RBFOX1: variants seen among roughly 807,000 people sequenced by gnomAD.
RBFOX1 encodes RNA binding fox-1 homolog 1.
In RBFOX1, 8 loss-of-function variants were observed where a neutral mutation model predicts 57.7. That is an observed-to-expected ratio of 0.14 (90% CI 0.08 to 0.25). The LOEUF is 0.25. Ranked by LOEUF, RBFOX1 falls within the 10% of genes least tolerant of loss-of-function variation. RBFOX1 has a pLI of 1.00. For missense variants in RBFOX1, 611 were observed against 548.5 expected (o/e 1.11, Z -1.14); for synonymous variants, 326 against 222.4 (o/e 1.47, Z -4.15).
intron 1 of RBFOX1, among the ~76,000 whole-genome samples, chr16:5,437,997 A>G (rs757125162): frequency 3.3e-5 from 5 of 152,230 alleles, no homozygotes; most frequent in African/African-American, 9.6e-5. Flanking sequence ...TGTGTTGTCA[A>G]GGGGACACCT....
chr16:6,298,114 A>G (rs1343543158), intron 1 of RBFOX1, among the ~76,000 whole-genome samples: 2 of 152,200 alleles, frequency 1.3e-5, no homozygotes, highest in African/African-American at 2.4e-5. Flanking sequence ...AAAAGAGCAC[A>G]CTGTAACACA....
chr16:6,738,461 C>T (rs149887090), intron 3 of RBFOX1, among the ~76,000 whole-genome samples: 6 of 151,942 alleles, frequency 3.9e-5, no homozygotes, highest in Admixed American at 1.3e-4. Context: ...GTGTATGTAT[C>T]GAATAAAAGA....
intron 3 of RBFOX1, among the ~76,000 whole-genome samples, chr16:5,829,550 A>T (rs866277558): frequency 2.0e-5 from 3 of 151,864 alleles, no homozygotes; most frequent in Non-Finnish European, 4.4e-5. Flanking sequence ...GCATATGAGG[A>T]TTCTGGTGGC....
chr16:7,458,324 G>T (rs149953923), intron 4 of RBFOX1, among the ~76,000 whole-genome samples: 66 of 152,160 alleles, frequency 4.3e-4, no homozygotes, highest in Non-Finnish European at 8.2e-4. Context: ...TAAGTCTGCC[G>T]TGTCCCTGGG....
intron 4 of RBFOX1, among the ~76,000 whole-genome samples, chr16:7,061,822 G>T (rs1406798523): frequency 6.6e-6 from 1 of 152,200 alleles, no homozygotes; most frequent in African/African-American, 2.4e-5. Context: ...TTCCTGCTCT[G>T]TTCCTTTGAG....
intron 1 of RBFOX1, among the ~76,000 whole-genome samples, chr16:6,117,179 T>C (rs188366514): frequency 6.6e-6 from 1 of 152,196 alleles, no homozygotes; most frequent in African/African-American, 2.4e-5. Flanking sequence ...GGATTCCCTG[T>C]GAAAAGGGTG....
intron 4 of RBFOX1, among the ~76,000 whole-genome samples, chr16:7,182,980 G>C (rs1395303575): frequency 6.6e-6 from 1 of 152,128 alleles, no homozygotes; most frequent in African/African-American, 2.4e-5. Flanking sequence ...TGGAATCTAA[G>C]CTTCCTGAGA....
intron 2 of RBFOX1, among the ~76,000 whole-genome samples, chr16:6,334,150 A>G (rs1442998081): frequency 1.3e-5 from 2 of 152,188 alleles, no homozygotes; most frequent in East Asian, 3.9e-4. Flanking sequence ...GATGCCGGCT[A>G]GTGGTACTTG....
chr16:6,522,503 A>G (rs1472496487), intron 2 of RBFOX1, among the ~76,000 whole-genome samples: 1 of 152,184 alleles, frequency 6.6e-6, no homozygotes, highest in Non-Finnish European at 1.5e-5. Flanking sequence ...AAAGATGGCA[A>G]AATATGCTTT....
intron 11 of RBFOX1, among the ~76,000 whole-genome samples, chr16:7,642,023 G>A (rs1482766560): frequency 1.3e-5 from 2 of 152,212 alleles, no homozygotes; most frequent in Non-Finnish European, 2.9e-5. Context: ...GCTGAGGTGG[G>A]AGGATGACTT....
intron 3 of RBFOX1, among the ~76,000 whole-genome samples, chr16:7,051,751 G>A (rs1006839968): frequency 6.6e-6 from 1 of 152,086 alleles, no homozygotes; most frequent in African/African-American, 2.4e-5. Context: ...GGAAAAGGGT[G>A]GGGAGTTTCA....
intron 1 of RBFOX1, among the ~76,000 whole-genome samples, chr16:5,449,016 G>A (rs2068339246): frequency 6.6e-6 from 1 of 152,116 alleles, no homozygotes; most frequent in African/African-American, 2.4e-5. Context: ...CCAGGTCACA[G>A]AGGTATTGAG....
intron 6 of RBFOX1, among the ~76,000 whole-genome samples, chr16:7,581,232 C>T (rs1316445536): frequency 1.3e-5 from 2 of 152,148 alleles, no homozygotes; most frequent in African/African-American, 2.4e-5. Flanking sequence ...TTGGTAATAA[C>T]CTTGAGTTGA....
intron 4 of RBFOX1, among the ~76,000 whole-genome samples, chr16:7,222,570 G>C (rs1031392923): frequency 2.6e-4 from 39 of 152,160 alleles, no homozygotes; most frequent in Admixed American, 1.0e-3. Flanking sequence ...TATGTGTCTG[G>C]GCACTGGCTG....
At chr16:7,013,119 C>T (rs182865998) in intron 3 of RBFOX1, among the ~76,000 whole-genome samples, 1 of 152,270 alleles carries the variant, frequency 6.6e-6, no homozygotes, top group East Asian at 1.9e-4. Flanking sequence ...CTCCAAATGT[C>T]TTTAGACTGA....
intron 3 of RBFOX1, among the ~76,000 whole-genome samples, chr16:7,046,482 T>C (rs12922522): frequency 0.44 from 66,181 of 152,022 alleles, 17,656 homozygotes; most frequent in South Asian, 0.62. Flanking sequence ...CATTAAAATA[T>C]CAAGTTCAAT....
At chr16:6,306,116 G>A (rs910000864) in intron 1 of RBFOX1, among the ~76,000 whole-genome samples, 1 of 152,220 alleles carries the variant, frequency 6.6e-6, no homozygotes, top group African/African-American at 2.4e-5. Context: ...AACCCTCCAT[G>A]TCTGAGTCCT....
intron 1 of RBFOX1, among the ~76,000 whole-genome samples, chr16:5,303,791 A>G (rs757392078): frequency 2.6e-5 from 4 of 152,036 alleles, no homozygotes; most frequent in Non-Finnish European, 5.9e-5. Context: ...AATTCCAATA[A>G]AGCAAAAATG....
intron 2 of RBFOX1, among the ~76,000 whole-genome samples, chr16:6,472,876 C>T (rs934930601): frequency 6.6e-6 from 1 of 152,042 alleles, no homozygotes; most frequent in African/African-American, 2.4e-5. Context: ...CCACCCACCT[C>T]GGCCTCCCAA....
Sources: allele counts gnomAD v4.1 joint callset (sites outside exome capture counted in the v4.1 genomes callset), GRCh38; gene constraint gnomAD v4.1.1; transcripts MANE v1.5; gene names NCBI Gene and HGNC (gene_info 2026-07-23, HGNC 2026-07-21).